SYNE1: variants seen among roughly 807,000 people sequenced by gnomAD.
SYNE1 encodes the protein spectrin repeat containing nuclear envelope protein 1.
SYNE1 carries 616 observed loss-of-function variants against 1,111.0 expected under a neutral mutation model. The observed-to-expected ratio is 0.55, with a 90% confidence interval of 0.52 to 0.59. The LOEUF (loss-of-function observed/expected upper bound fraction) is 0.59. SYNE1 is among the 20% of genes least tolerant of loss of function. The pLI is 0.00. For missense variants in SYNE1, 10,006 were observed against 10,417.0 expected (o/e 0.96, Z 1.72); for synonymous variants, 3,855 against 3,825.8 (o/e 1.01, Z -0.28).
chr6:152,298,844 A>T (rs1468904814), intron 93 of SYNE1, among the ~76,000 whole-genome samples: 1 of 152,240 alleles, frequency 6.6e-6, no homozygotes, highest in East Asian at 1.9e-4. Context: ...AACACCAAGC[A>T]TAATACATTT....
In SYNE1 at chr6:152,148,513, T is replaced by C; in HGVS notation, c.24643-135A>G. ...AATAAGAATCTTCTGATCACAGAAA[T>C]ACAGGGGACAGTGCTGCTCTAGAGT... On this transcript the variant is annotated intron_variant, in intron 136 of 145. Coordinates refer to ENST00000367255, the MANE Select transcript of SYNE1 (RefSeq NM_182961.4). This position sits in a 1 kb window ranked among gnomAD's most constrained non-coding sequence, Gnocchi z 4.1. 1 of 783,816 alleles carries C rather than the reference T, an allele frequency of 1.3e-6. No homozygotes were observed. The highest frequency in any genetic ancestry group is 2.1e-6 in the Non-Finnish European group (1 of 472,270). The allele number at this position is 783,816 out of a possible 1,614,324, so 48.6% of individuals were successfully genotyped here. A position where few individuals can be genotyped will look rare whatever the true frequency, so the allele number is the denominator to read the frequency against.
At chr6:152,215,949 C>T (rs1161126607) in intron 121 of SYNE1, among the ~76,000 whole-genome samples, 4 of 152,244 alleles carry the variant, frequency 2.6e-5, no homozygotes. Flanking sequence ...CGCCACCCCA[C>T]AGCTGGTGAG....
chr6:152,330,233 A>T lies in SYNE1; in HGVS notation c.14452T>A (p.Tyr4818Asn), dbSNP rs142422990. 1.5e-4 allele frequency: 236 copies of T among 1,614,180 alleles called. No individual in the cohort carries two copies. The African/African-American group carries it at 3.0e-3, about 20-fold the overall frequency. The change falls in exon 78 of 146, where the codon TAT becomes AAT. Residue 4818 changes from tyrosine to asparagine, a missense_variant. By Grantham distance (143) the Tyr-to-Asn change is moderately radical. Coordinates refer to ENST00000367255, the MANE Select transcript of SYNE1 (RefSeq NM_182961.4). ...TGGAGACTTCCTGCCAGGGAGTGAT[A>T]CATTTTGAGCTTCTCCTCTGCAGGC... The part of the protein sequence containing the change: ...TLPAEEKLKM[Y>N]HSLAGSLQDS...
chr6:152,598,842 T>C (rs555411100), intron 3 of SYNE1, among the ~76,000 whole-genome samples: 1 of 152,354 alleles, frequency 6.6e-6, no homozygotes, highest in South Asian at 2.1e-4. Flanking sequence ...TATTTTATGA[T>C]ATAATTAACA....
At chr6:152,158,902 A>T (rs1420277637) in intron 131 of SYNE1, among the ~76,000 whole-genome samples, 4 of 152,190 alleles carry the variant, frequency 2.6e-5, no homozygotes, top group Non-Finnish European at 5.9e-5. Context: ...ATTTGAGGGG[A>T]TTTATAATCA....
At chr6:152,598,584 A>G (rs908177486) in intron 3 of SYNE1, among the ~76,000 whole-genome samples, 1 of 152,216 alleles carries the variant, frequency 6.6e-6, no homozygotes, top group Admixed American at 6.5e-5. Context: ...CAGCTTCAAG[A>G]GTTTCAAAAT....
chr6:152,241,014 A>G (rs563300695), intron 107 of SYNE1, among the ~76,000 whole-genome samples: 2 of 152,288 alleles, frequency 1.3e-5, no homozygotes, highest in East Asian at 3.9e-4. Flanking sequence ...TTCCTTTTAC[A>G]AGCCCATCTC....
intron 127 of SYNE1, among the ~76,000 whole-genome samples, chr6:152,200,508 C>G (rs1015788727): frequency 2.6e-5 from 4 of 152,134 alleles, no homozygotes; most frequent in African/African-American, 9.7e-5. Context: ...AGTGATCCTC[C>G]TGCCTCAGCC....
chr6:152,520,163 A>C (rs2099131832), intron 6 of SYNE1, among the ~76,000 whole-genome samples: 1 of 152,176 alleles, frequency 6.6e-6, no homozygotes, highest in Non-Finnish European at 1.5e-5. Flanking sequence ...ACTTGGACTA[A>C]TGTCTATGTT....
intron 140 of SYNE1, among the ~76,000 whole-genome samples, chr6:152,139,089 G>A (rs1350948778): frequency 2.0e-5 from 3 of 152,154 alleles, no homozygotes; most frequent in Non-Finnish European, 2.9e-5. Context: ...TCCAGCTCTA[G>A]ATATAGGCCT....
chr6:152,386,960 T>C, intron 54 of SYNE1, 112 bp downstream of exon 54: 3 of 940,472 alleles, frequency 3.2e-6, no homozygotes, highest in Non-Finnish European at 4.5e-6. Context: ...AACAATTTAA[T>C]CCACAGTTTC....
chr6:152,398,049 T>C (rs901137778), intron 49 of SYNE1, among the ~76,000 whole-genome samples: 1 of 151,926 alleles, frequency 6.6e-6, no homozygotes, highest in Non-Finnish European at 1.5e-5. Context: ...CTTAACATAG[T>C]GCTTTACTCG....
At chr6:152,469,856 C>A (rs143424599) in intron 16 of SYNE1, among the ~76,000 whole-genome samples, 4 of 152,224 alleles carry the variant, frequency 2.6e-5, no homozygotes, top group African/African-American at 9.6e-5. Flanking sequence ...GTATCTAAAA[C>A]AATGTGAAAC....
chr6:152,414,101 A>C (rs930908082), intron 41 of SYNE1, among the ~76,000 whole-genome samples: 10 of 151,830 alleles, frequency 6.6e-5, no homozygotes, highest in African/African-American at 2.2e-4. Context: ...GTATCTCAGC[A>C]TTTATAAAAA....
chr6:152,427,716 C>T lies in SYNE1; in HGVS notation c.5077G>A (p.Glu1693Lys). The change falls in exon 38 of 146, where the codon GAA becomes AAA. Residue 1693 changes from glutamate (E) to lysine (K), a missense_variant. Physicochemically the swap from Glu to Lys is moderately conservative, Grantham distance 56. Around this residue, in one of 7 missense-constraint regions of SYNE1, gnomAD observed 1,971 missense variants for 2,084.1 expected, o/e 0.95. Coordinates refer to ENST00000367255, the MANE Select transcript of SYNE1 (RefSeq NM_182961.4). ...MDISADRVKV[E>K]GELQLIQALQ... is the part of the protein sequence containing the mutation. Reference sequence around the variant, plus strand: ...GCCTGTATTAACTGAAGTTCACCTTCCACTTTGACTCTGTCTGCAGAAATG... The same window carrying T: ...GCCTGTATTAACTGAAGTTCACCTTTCACTTTGACTCTGTCTGCAGAAATG... 6.2e-7 allele frequency: 1 copy of T among 1,614,150 alleles called. No homozygotes were observed. The highest frequency in any genetic ancestry group is 8.5e-7 in the Non-Finnish European group (1 of 1,180,022).
In SYNE1 at chr6:152,125,341, G is replaced by A. The variant is rs779072988; in HGVS notation, c.26154-2665C>T. On this transcript the variant is annotated intron_variant, in intron 145 of 145. Coordinates refer to ENST00000367255, the MANE Select transcript of SYNE1 (RefSeq NM_182961.4). The stretch of plus-strand genomic sequence containing the variant: ...ATATTTGGAAACAAGTGGTTTCCTC[G>A]TGTCTAAAGCCTCTGGTCATAAGGC... The A allele has an allele frequency of 2.4e-4, 374 of 1,550,088 alleles. 1 individual carries two copies. Among genetic ancestry groups the A allele is most frequent in the Non-Finnish European group, 3.0e-4 (339 of 1,146,764 alleles).
At position 152,330,915 on chromosome 6, in the gene SYNE1, G is replaced by A. The variant is rs1262673642; in HGVS notation, c.13770C>T (p.Asn4590=). 2 of 1,614,064 alleles carry A rather than the reference G, an allele frequency of 1.2e-6. No homozygotes were observed. The highest frequency in any genetic ancestry group is 3.3e-5 in the Admixed American group (2 of 60,014). Residue 4590 remains asparagine (N), a synonymous_variant, in exon 78 of 146, where the codon AAC becomes AAT. Coordinates refer to ENST00000367255, the MANE Select transcript of SYNE1 (RefSeq NM_182961.4). ...QADIVTFPEI[N]LMNESSELHT... is the part of the protein sequence containing the mutation. Reference sequence around the variant, plus strand: ...GAAGCTCAGAACTCTCATTCATTAGGTTGATTTCAGGAAATGTAACAATAT... The same window carrying A: ...GAAGCTCAGAACTCTCATTCATTAGATTGATTTCAGGAAATGTAACAATAT...
rs1268345666 is a variant in SYNE1, at chr6:152,300,644, G to A, written c.17679C>T (p.Asn5893=). The stretch of plus-strand genomic sequence containing the variant: ...AGGAATGCCAACTGGGAGGTACCTG[G>A]TTAACAGAAGCATCTGTATTAGCCA... ...SPVANTDASV[N]QDIAYYQALS... Residue 5893 remains asparagine, a synonymous_variant, in exon 93 of 146, where the codon AAC becomes AAT. Transcript: ENST00000367255. 1.2e-6 allele frequency: 2 copies of A among 1,614,034 alleles called. No homozygotes were observed. The highest frequency in any genetic ancestry group is 2.2e-5 in the East Asian group (1 of 44,894).
intron 9 of SYNE1, among the ~76,000 whole-genome samples, chr6:152,504,201 G>C (rs2099045102): frequency 6.6e-6 from 1 of 152,026 alleles, no homozygotes; most frequent in South Asian, 2.1e-4. Flanking sequence ...TTATTTTTGT[G>C]CAGAAAGAAG....
Sources: allele counts gnomAD v4.1 joint callset (sites outside exome capture counted in the v4.1 genomes callset), GRCh38; gene constraint gnomAD v4.1.1; regional missense constraint gnomAD v4.1.1; non-coding constraint Gnocchi (gnomAD v3.1); transcripts MANE v1.5; gene names NCBI Gene and HGNC (gene_info 2026-07-23, HGNC 2026-07-21).